TNRC6A: variants seen among roughly 807,000 people sequenced by gnomAD.
TNRC6A encodes the protein trinucleotide repeat containing adaptor 6A, also known as trinucleotide repeat-containing gene 6A protein.
In TNRC6A, 44 loss-of-function variants were observed where a neutral mutation model predicts 221.2. The observed-to-expected ratio is 0.20, with a 90% CI of 0.16 to 0.26. The LOEUF is 0.26. TNRC6A is among the 10% of genes least tolerant of loss of function. TNRC6A has a pLI of 1.00. For synonymous variants in TNRC6A, 847 were observed against 838.5 expected (o/e 1.01, Z -0.18); for missense variants, 2,199 against 2,404.4 (o/e 0.91, Z 1.79).
intron 1 of TNRC6A, among the ~76,000 whole-genome samples, chr16:24,631,219 G>A (rs74960256): frequency 0.026 from 3,892 of 151,952 alleles, 167 homozygotes; most frequent in African/African-American, 0.088. Context: ...CATATGGTGT[G>A]TAGATCTCCA....
chr16:24,764,008 A>G (rs2057417720), intron 4 of TNRC6A, among the ~76,000 whole-genome samples: 1 of 152,180 alleles, frequency 6.6e-6, no homozygotes, highest in African/African-American at 2.4e-5. Context: ...ACTCTCAGCG[A>G]ATTTCCAGTA....
chr16:24,725,588 A>G (rs1383033397), upstream of TNRC6A, among the ~76,000 whole-genome samples: 1 of 151,944 alleles, frequency 6.6e-6, no homozygotes, highest in Admixed American at 6.6e-5. Context: ...TTTTCAAAGA[A>G]ACATTCTTTG....
intron 2 of TNRC6A, among the ~76,000 whole-genome samples, chr16:24,680,713 C>CAA (rs560768377): frequency 9.1e-4 from 108 of 118,254 alleles, no homozygotes; most frequent in South Asian, 1.2e-3. Flanking sequence ...AAGACTCCAT[C>CAA]AAAAAAAAAA....
chr16:24,776,142 A>G (rs2057713609), intron 4 of TNRC6A, among the ~76,000 whole-genome samples: 2 of 152,170 alleles, frequency 1.3e-5, no homozygotes, highest in African/African-American at 2.4e-5. Flanking sequence ...AAGCTCATAC[A>G]CCATGCATCT....
chr16:24,798,534 A>G (rs989550073), intron 11 of TNRC6A, among the ~76,000 whole-genome samples: 5 of 152,230 alleles, frequency 3.3e-5, no homozygotes, highest in African/African-American at 1.2e-4. Context: ...AATAGGATAG[A>G]AAACATTGGC....
intron 19 of TNRC6A, chr16:24,815,580 G>A (rs930315015): frequency 7.2e-5 from 29 of 404,026 alleles, no homozygotes; most frequent in African/African-American, 5.3e-4. Flanking sequence ...TTTAGGCTGG[G>A]CGCAGTGGCA....
intron 2 of TNRC6A, among the ~76,000 whole-genome samples, chr16:24,696,347 CAA>C (rs56696667): frequency 4.0e-5 from 5 of 125,604 alleles, no homozygotes; most frequent in Admixed American, 8.3e-5. Flanking sequence ...GACTCCATCT[CAA>C]AAAAAAAAAA....
intron 1 of TNRC6A, among the ~76,000 whole-genome samples, chr16:24,618,007 C>T (rs925321451): frequency 3.3e-5 from 5 of 152,202 alleles, no homozygotes; most frequent in African/African-American, 9.7e-5. Flanking sequence ...AAGCGATTCT[C>T]GTGCCTCAGC....
chr16:24,719,546 G>A (rs1260713849), intron 2 of TNRC6A, among the ~76,000 whole-genome samples: 1 of 152,102 alleles, frequency 6.6e-6, no homozygotes, highest in Non-Finnish European at 1.5e-5. Flanking sequence ...TGTAATGCCA[G>A]CTACTCAGGA....
At chr16:24,624,182 C>T (rs1463742636) in intron 1 of TNRC6A, among the ~76,000 whole-genome samples, 1 of 152,164 alleles carries the variant, frequency 6.6e-6, no homozygotes, top group African/African-American at 2.4e-5. Flanking sequence ...CTCGCCCACA[C>T]GTTTCTTACC....
rs1257046007 is a variant in TNRC6A at position 24,825,386 on chromosome 16, A to G, written c.*1579A>G. 6.6e-6 allele frequency: 1 copy of G among 152,654 alleles called. No homozygotes were observed. The highest frequency in any genetic ancestry group is 1.5e-5 in the Non-Finnish European group (1 of 68,034). The allele number at this position is 152,654 out of a possible 1,614,324, so 9.5% of individuals were successfully genotyped here. On this transcript the variant is annotated 3_prime_UTR_variant, in exon 25 of 25. Coordinates refer to ENST00000395799, the MANE Select transcript of TNRC6A (RefSeq NM_014494.4). ...TTTACAAATAGAATGTGATTGTAAAATGTACAGTTTGGTTGTGTTTGAATT... is the reference window on the plus strand; with the variant it reads ...TTTACAAATAGAATGTGATTGTAAAGTGTACAGTTTGGTTGTGTTTGAATT...
intron 2 of TNRC6A, among the ~76,000 whole-genome samples, chr16:24,696,795 G>GGAGT (rs1567365263): frequency 2.1e-5 from 3 of 144,180 alleles, no homozygotes; most frequent in African/African-American, 7.6e-5. Flanking sequence ...AGGGAGGGAG[G>GGAGT]GAGGAAGGAA....
At chr16:24,621,831 G>A (rs567234069) in intron 1 of TNRC6A, among the ~76,000 whole-genome samples, 50 of 152,234 alleles carry the variant, frequency 3.3e-4, no homozygotes, top group African/African-American at 9.6e-4. Flanking sequence ...ACTGCGACTC[G>A]GAAGCATAAT....
chr16:24,785,836 C>T lies in TNRC6A; in HGVS notation c.590-3396C>T, dbSNP rs552269136. Among the ~76,000 whole-genome samples, 34 of 152,224 alleles carry T rather than the reference C, an allele frequency of 2.2e-4. 2 individuals carry two copies. In the East Asian group the frequency reaches 6.6e-3, roughly 29 times the overall value. On this transcript the variant is annotated intron_variant, in intron 5 of 24. Coordinates refer to ENST00000395799, the MANE Select transcript of TNRC6A (RefSeq NM_014494.4). Reference sequence around the variant, plus strand: ...CACGCAAATAGTGGCAGCAGAAATACGTTTGTAGTAGTCCAGGAAAAGACA... The same window carrying T: ...CACGCAAATAGTGGCAGCAGAAATATGTTTGTAGTAGTCCAGGAAAAGACA...
intron 2 of TNRC6A, among the ~76,000 whole-genome samples, chr16:24,701,153 A>G (rs1479716554): frequency 6.6e-6 from 1 of 152,218 alleles, no homozygotes; most frequent in Non-Finnish European, 1.5e-5. Context: ...TGTATGAGTA[A>G]CATTGAAAGA....
chr16:24,791,779 C>A lies in TNRC6A; in HGVS notation c.3137C>A (p.Ala1046Glu), dbSNP rs1341618681. 12 of 1,575,208 alleles carry A rather than the reference C, an allele frequency of 7.6e-6. No homozygotes were observed. The highest frequency in any genetic ancestry group is 1.0e-5 in the Non-Finnish European group (12 of 1,164,554). The change falls in exon 6 of 25, where the codon GCA (alanine) becomes GAA (glutamate). Residue 1046 changes from alanine to glutamate, a missense_variant. This residue lies in a region of TNRC6A where 1,405 missense variants were observed against 1,400.2 expected (regional missense o/e 1.00). Transcript: ENST00000395799. ...QAQVHQLLTP[A>E]SAISNKEASS... is the part of the protein sequence containing the mutation. ...CAGGTACATCAGCTGCTAACGCCTGCAAGTGCCATCTCAAACAAAGAGGCA... is the reference window on the plus strand; with the variant it reads ...CAGGTACATCAGCTGCTAACGCCTGAAAGTGCCATCTCAAACAAAGAGGCA...
Position 24,795,942 on chromosome 16 carries a change from G to A in TNRC6A, c.3561+3G>A. 1 of 1,612,962 alleles carries A rather than the reference G, an allele frequency of 6.2e-7. No individual in the cohort carries two copies. Among genetic ancestry groups the A allele is most frequent in the Non-Finnish European group, 8.5e-7 (1 of 1,179,162 alleles). ...GCAAAAAAAGGAGAAGGGAAAGGGT[G>A]TGTAGCCTTTTTACTCTTTCTCCTT... On this transcript the variant is annotated splice_donor_region_variant and intron_variant, in intron 9 of 24. Coordinates refer to ENST00000395799, the MANE Select transcript of TNRC6A (RefSeq NM_014494.4).
Position 24,789,375 on chromosome 16 carries a change from A to G in TNRC6A, c.733A>G (p.Ser245Gly), listed in dbSNP as rs1447807930. Residue 245 changes from serine to glycine, a missense_variant, in exon 6 of 25, where the codon AGT becomes GGT. Transcript: ENST00000395799. Reference sequence around the variant, plus strand: ...AGAAGCATGGCCCTCAGCCCCTGGCAGTGATCCGGAGTTGGCTTCAGAATG... The same window carrying G: ...AGAAGCATGGCCCTCAGCCCCTGGCGGTGATCCGGAGTTGGCTTCAGAATG... ...EKEAWPSAPG[S>G]DPELASECMD... 6.2e-7 allele frequency: 1 copy of G among 1,614,244 alleles called. No individual in the cohort carries two copies. The highest frequency in any genetic ancestry group is 1.7e-5 in the Admixed American group (1 of 60,036).
At chr16:24,712,871 A>G (rs1330262649) in intron 2 of TNRC6A, among the ~76,000 whole-genome samples, 1 of 150,548 alleles carries the variant, frequency 6.6e-6, no homozygotes, top group Non-Finnish European at 1.5e-5. Context: ...CTCCCAGCTC[A>G]GCCTCTTGAG....
Sources: gnomAD v4.1 joint callset for allele counts (sites outside exome capture counted in the v4.1 genomes callset) on GRCh38, gnomAD v4.1.1 for gene constraint, gnomAD v4.1.1 regional missense constraint, MANE v1.5 for transcripts, NCBI Gene and HGNC (gene_info 2026-07-23, HGNC 2026-07-21) for gene names.